The following ZNF670 variants were observed in gnomAD, a reference collection of about 807,000 sequenced individuals.
ZNF670 encodes the protein zinc finger protein 670.
Under a neutral mutation model 10.9 loss-of-function variants are expected in ZNF670, and 7 were observed. The ratio of observed to expected loss-of-function variants is 0.64; its 90% confidence interval spans 0.36 to 1.20. ZNF670 has a LOEUF of 1.20. ZNF670 is among the 50% of genes most tolerant of loss of function. ZNF670 has a pLI of 0.02. For missense variants in ZNF670, 446 were observed against 458.6 expected (o/e 0.97, Z 0.25); for synonymous variants, 136 against 152.7 (o/e 0.89, Z 0.81).
intron 1 of ZNF670, among the ~76,000 whole-genome samples, chr1:247,051,121 A>T (rs1448669318): frequency 6.6e-6 from 1 of 151,920 alleles, no homozygotes; most frequent in Non-Finnish European, 1.5e-5. Context: ...ATCCTGGCTA[A>T]CATGGTGAAA....
intron 1 of ZNF670, among the ~76,000 whole-genome samples, chr1:247,065,010 T>C (rs972715862): frequency 5.3e-5 from 8 of 152,130 alleles, no homozygotes; most frequent in Admixed American, 3.9e-4. Context: ...GGTTTTACCA[T>C]GTTGCCCAGC....
chr1:247,047,035 G>T (rs1670467180), intron 1 of ZNF670, among the ~76,000 whole-genome samples: 1 of 152,240 alleles, frequency 6.6e-6, no homozygotes, highest in Non-Finnish European at 1.5e-5. Flanking sequence ...GATGCAAGAA[G>T]TGGACTCTCA....
At chr1:247,049,550 A>T (rs555695965) in intron 1 of ZNF670, among the ~76,000 whole-genome samples, 1 of 151,768 alleles carries the variant, frequency 6.6e-6, no homozygotes, top group Admixed American at 6.6e-5. Flanking sequence ...TAGTTCTTTT[A>T]TTCTGCTGGG....
intron 1 of ZNF670, among the ~76,000 whole-genome samples, chr1:247,057,352 G>T (rs2103063530): frequency 6.6e-6 from 1 of 152,318 alleles, no homozygotes; most frequent in East Asian, 1.9e-4. Context: ...TGCTGGAGAG[G>T]ATGTAGAGAT....
intron 1 of ZNF670, among the ~76,000 whole-genome samples, chr1:247,050,737 G>T (rs1027862680): frequency 6.6e-6 from 1 of 151,934 alleles, no homozygotes; most frequent in Non-Finnish European, 1.5e-5. Flanking sequence ...GCCTCCCAAA[G>T]TGTTGGGATT....
chr1:247,056,368 A>G (rs1670715138), intron 1 of ZNF670, among the ~76,000 whole-genome samples: 1 of 152,242 alleles, frequency 6.6e-6, no homozygotes, highest in South Asian at 2.1e-4. Context: ...CTAGGAATCA[A>G]TAACAAGACA....
In ZNF670 at chr1:247,035,151, A is replaced by G. The variant is rs1274087301; in HGVS notation, c.*2298T>C. ...AAAGCAGGTAGTTAAAGCTGAAAAG[A>G]TATCATCAGTCATGGTTGGTTCATT... On this transcript the variant is annotated 3_prime_UTR_variant, in exon 4 of 4. Coordinates refer to ENST00000366503, the MANE Select transcript of ZNF670 (RefSeq NM_033213.5). 6.6e-6 allele frequency among the ~76,000 whole-genome samples: 1 copy of G among 152,260 alleles called. No homozygotes were observed. Among genetic ancestry groups the G allele is most frequent in the Non-Finnish European group, 1.5e-5 (1 of 68,050 alleles).
chr1:247,061,558 C>T (rs1041048324), intron 1 of ZNF670, among the ~76,000 whole-genome samples: 4 of 152,074 alleles, frequency 2.6e-5, no homozygotes, highest in African/African-American at 9.7e-5. Flanking sequence ...GATATTTATA[C>T]ATTATACATC....
intron 1 of ZNF670, among the ~76,000 whole-genome samples, chr1:247,059,401 G>A (rs569460005): frequency 4.6e-5 from 7 of 152,094 alleles, no homozygotes; most frequent in East Asian, 3.9e-4. Context: ...AGCTGAGATC[G>A]CGCCACTGCA....
intron 1 of ZNF670, among the ~76,000 whole-genome samples, chr1:247,039,752 T>C (rs1014256882): frequency 5.3e-5 from 8 of 152,114 alleles, no homozygotes; most frequent in African/African-American, 1.9e-4. Context: ...AACAGCAGAG[T>C]AGGAACACCT....
At chr1:247,072,419 T>C (rs1671139683) in intron 1 of ZNF670, among the ~76,000 whole-genome samples, 1 of 151,590 alleles carries the variant, frequency 6.6e-6, no homozygotes, top group South Asian at 2.1e-4. Flanking sequence ...CCTCCCAATG[T>C]GCTGAGATTA....
intron 1 of ZNF670, among the ~76,000 whole-genome samples, chr1:247,073,752 G>T (rs1029963617): frequency 6.6e-6 from 1 of 152,196 alleles, no homozygotes; most frequent in Non-Finnish European, 1.5e-5. Flanking sequence ...TCACAGATCA[G>T]TTCCACAACA....
chr1:247,043,801 C>A, intron 1 of ZNF670: 1 of 366,182 alleles, frequency 2.7e-6, no homozygotes, highest in South Asian at 2.2e-5. Flanking sequence ...TCGGTTTGAT[C>A]CATTTACTGT....
At chr1:247,048,364 C>T (rs1304265057) in intron 1 of ZNF670, among the ~76,000 whole-genome samples, 2 of 152,148 alleles carry the variant, frequency 1.3e-5, no homozygotes, top group Non-Finnish European at 2.9e-5. Context: ...CAAGAAGATC[C>T]TCATTTCCAT....
chr1:247,044,036 C>T (rs1178796896), intron 1 of ZNF670: 2 of 192,856 alleles, frequency 1.0e-5, no homozygotes, highest in Admixed American at 1.2e-4. Flanking sequence ...GAAGACAATG[C>T]TCCTCAAACC....
chr1:247,067,926 G>A (rs1260632285), intron 1 of ZNF670, among the ~76,000 whole-genome samples: 1 of 149,130 alleles, frequency 6.7e-6, no homozygotes, highest in Non-Finnish European at 1.5e-5. Flanking sequence ...TTAAATGGGA[G>A]AAAATATTTG....
intron 1 of ZNF670, among the ~76,000 whole-genome samples, chr1:247,057,261 C>T (rs1372510807): frequency 6.6e-6 from 1 of 152,126 alleles, no homozygotes; most frequent in Non-Finnish European, 1.5e-5. Flanking sequence ...TGCTCAGTAT[C>T]ACTGATCATC....
intron 1 of ZNF670, among the ~76,000 whole-genome samples, chr1:247,056,930 G>T (rs1454488716): frequency 1.3e-5 from 2 of 152,174 alleles, no homozygotes; most frequent in East Asian, 3.8e-4. Context: ...TCAGGACATT[G>T]AACTGGGCAA....
At position 247,038,855 on chromosome 1, in the gene ZNF670, T is replaced by G. The variant is rs749769344; in HGVS notation, c.146A>C (p.Asp49Ala). 1.2e-6 allele frequency: 2 copies of G among 1,612,586 alleles called. No homozygotes were observed. Among genetic ancestry groups the G allele is most frequent in the East Asian group, 2.2e-5 (1 of 44,786 alleles). The change falls in exon 3 of 4, where the codon GAC becomes GCC. Residue 49 changes from aspartate (D) to alanine (A), a missense_variant. Coordinates refer to ENST00000366503, the MANE Select transcript of ZNF670 (RefSeq NM_033213.5). Reference protein sequence around the residue: ...NLASVGNKSEDQNIQDDFKNP... With the variant: ...NLASVGNKSEAQNIQDDFKNP... Reference sequence around the variant, plus strand: ...TTTGAAGTCATCTTGGATATTCTGGTCTTCTGATTTGTTTCCTAAAAGGTA... The same window carrying G: ...TTTGAAGTCATCTTGGATATTCTGGGCTTCTGATTTGTTTCCTAAAAGGTA...
Sources: allele counts gnomAD v4.1 joint callset (sites outside exome capture counted in the v4.1 genomes callset), GRCh38; gene constraint gnomAD v4.1.1; transcripts MANE v1.5; gene names NCBI Gene and HGNC (gene_info 2026-07-23, HGNC 2026-07-21).